CSGALNACT1: variants seen among roughly 807,000 people sequenced by gnomAD.
The protein encoded by CSGALNACT1 is beta4GalNAcT-1.
CSGALNACT1 carries 52 observed loss-of-function variants against 51.0 expected under a neutral mutation model. The ratio of observed to expected loss-of-function variants is 1.02; its 90% confidence interval spans 0.82 to 1.29. The LOEUF is 1.29. CSGALNACT1 is among the 50% of genes most tolerant of loss of function. CSGALNACT1 has a pLI of 0.00. For synonymous variants in CSGALNACT1, 341 were observed against 254.4 expected (o/e 1.34, Z -3.24); for missense variants, 935 against 679.2 (o/e 1.38, Z -4.19).
At chr8:19,602,684 A>C (rs1184093342), upstream of CSGALNACT1, 2 of 152,234 alleles carry the variant, frequency 1.3e-5, no homozygotes, top group Non-Finnish European at 2.9e-5. Flanking sequence ...AGGGAGTGAC[A>C]ACGGGCCCCA....
chr8:19,547,934 G>C (rs921822168), intron 3 of CSGALNACT1, among the ~76,000 whole-genome samples: 4 of 152,160 alleles, frequency 2.6e-5, no homozygotes, highest in African/African-American at 9.7e-5. Flanking sequence ...TTATTGATGG[G>C]AAAGAGGAGA....
chr8:19,544,901 T>C (rs1465120840), intron 3 of CSGALNACT1, among the ~76,000 whole-genome samples: 3 of 152,104 alleles, frequency 2.0e-5, no homozygotes, highest in Non-Finnish European at 4.4e-5. Context: ...AGGCTATCGT[T>C]TACACACAGG....
intron 3 of CSGALNACT1, among the ~76,000 whole-genome samples, chr8:19,566,551 C>A (rs1442524808): frequency 6.6e-6 from 1 of 152,088 alleles, no homozygotes; most frequent in Admixed American, 6.5e-5. Context: ...AAACCTGGTA[C>A]AATAAATATT....
At chr8:19,418,538 A>C (rs2057323989) in intron 8 of CSGALNACT1, 118 bp downstream of exon 7, 1 of 760,536 alleles carries the variant, frequency 1.3e-6, no homozygotes, top group Non-Finnish European at 2.4e-6. Flanking sequence ...CAAACGTAAA[A>C]ACTACTAAGG....
rs1031581002 is a variant in CSGALNACT1 at position 19,472,349 on chromosome 8, G to A, written c.635-13707C>T. Among the ~76,000 whole-genome samples the A allele has an allele frequency of 2.0e-5, 3 of 152,322 alleles. No homozygotes were observed. In the East Asian group the frequency reaches 5.8e-4, roughly 29 times the overall value. On this transcript the variant is annotated intron_variant, in intron 4 of 9. Transcript: ENST00000454498. ...CAAAAGGTCAAAGACCAAGGAATGT[G>A]TGACCAAGCTATTGTCTTTGGCCAA...
intron 3 of CSGALNACT1, among the ~76,000 whole-genome samples, chr8:19,577,749 C>T (rs941380606): frequency 3.3e-5 from 5 of 151,896 alleles, no homozygotes; most frequent in Admixed American, 1.3e-4. Context: ...GCTTTCCAGC[C>T]GTCTGACTTG....
chr8:19,737,644 A>G (rs190012061), intron 1 of CSGALNACT1, among the ~76,000 whole-genome samples: 3 of 152,298 alleles, frequency 2.0e-5, no homozygotes, highest in African/African-American at 7.2e-5. Flanking sequence ...AGAAGGAGAG[A>G]AAATGAAACA....
chr8:19,558,291 C>G (rs1588312391), intron 3 of CSGALNACT1, among the ~76,000 whole-genome samples: 1 of 152,118 alleles, frequency 6.6e-6, no homozygotes, highest in African/African-American at 2.4e-5. Context: ...TTTAACATAT[C>G]CAATGTGATT....
At chr8:19,462,371 A>C (rs2065750340) in intron 4 of CSGALNACT1, among the ~76,000 whole-genome samples, 1 of 152,118 alleles carries the variant, frequency 6.6e-6, no homozygotes, top group African/African-American at 2.4e-5. Context: ...GAAGTCATTT[A>C]CTCAGAGGCA....
chr8:19,697,327 G>C (rs1488164653), intron 1 of CSGALNACT1, among the ~76,000 whole-genome samples: 4 of 152,126 alleles, frequency 2.6e-5, no homozygotes, highest in Non-Finnish European at 1.5e-5. Flanking sequence ...GGTCAAGAAG[G>C]AGTCCAGAAT....
intron 5 of CSGALNACT1, among the ~76,000 whole-genome samples, chr8:19,450,839 G>A (rs1246324152): frequency 1.3e-5 from 2 of 151,962 alleles, no homozygotes; most frequent in East Asian, 1.9e-4. Flanking sequence ...GAGCCCAGGA[G>A]TTTGAGGCTG....
intron 1 of CSGALNACT1, among the ~76,000 whole-genome samples, chr8:19,729,050 T>G (rs1053435849): frequency 2.0e-5 from 3 of 151,986 alleles, no homozygotes; most frequent in Non-Finnish European, 4.4e-5. Context: ...TCCTATTATT[T>G]CTTCTCACAA....
intron 1 of CSGALNACT1, among the ~76,000 whole-genome samples, chr8:19,644,270 G>C (rs77040441): frequency 0.017 from 2,635 of 151,838 alleles, 82 homozygotes; most frequent in African/African-American, 0.06. Context: ...TAAAATTATA[G>C]GTAACTTATT....
At chr8:19,556,871 G>C (rs1261162845) in intron 3 of CSGALNACT1, among the ~76,000 whole-genome samples, 1 of 151,610 alleles carries the variant, frequency 6.6e-6, no homozygotes, top group African/African-American at 2.4e-5. Context: ...ATTGAACCCG[G>C]TGTAGACATT....
chr8:19,711,826 G>A (rs1184622843), intron 1 of CSGALNACT1, among the ~76,000 whole-genome samples: 1 of 152,106 alleles, frequency 6.6e-6, no homozygotes, highest in African/African-American at 2.4e-5. Flanking sequence ...ACTAGGAAAG[G>A]ATAAACGAAC....
intron 4 of CSGALNACT1, among the ~76,000 whole-genome samples, chr8:19,466,656 T>G (rs1309136590): frequency 6.6e-6 from 1 of 152,238 alleles, no homozygotes; most frequent in Non-Finnish European, 1.5e-5. Context: ...AGTAGTAAAC[T>G]TGTGACATTT....
intron 1 of CSGALNACT1, among the ~76,000 whole-genome samples, chr8:19,628,791 T>C (rs929857814): frequency 6.6e-6 from 1 of 151,832 alleles, no homozygotes; most frequent in Non-Finnish European, 1.5e-5. Context: ...CAATAAGCAA[T>C]ATTTTTTAAG....
chr8:19,550,004 C>A (rs1387556850), intron 3 of CSGALNACT1, among the ~76,000 whole-genome samples: 1 of 152,026 alleles, frequency 6.6e-6, no homozygotes, highest in African/African-American at 2.4e-5. Context: ...TAGATGTGTC[C>A]TGGAGTTGGT....
In CSGALNACT1 at chr8:19,501,314, TG is replaced by T; in HGVS notation, c.634+3886del. Among the ~76,000 whole-genome samples, 3 of 150,544 alleles carry T rather than the reference TG, an allele frequency of 2.0e-5. No homozygotes were observed. The South Asian group carries it at 6.4e-4, about 32-fold the overall frequency. On this transcript the variant is annotated intron_variant, in intron 4 of 9. Transcript: ENST00000454498. Reference sequence around the variant, plus strand: ...AATGCTACACAGAACCTCTCTTACATGGGCCTTAATCCCTTATATATATGAC... The same window carrying T: ...AATGCTACACAGAACCTCTCTTACATGGCCTTAATCCCTTATATATATGAC...
Sources: allele counts gnomAD v4.1 joint callset (sites outside exome capture counted in the v4.1 genomes callset), GRCh38; gene constraint gnomAD v4.1.1; transcripts MANE v1.5; gene names NCBI Gene and HGNC (gene_info 2026-07-23, HGNC 2026-07-21).